LPIN1: variants seen among roughly 807,000 people sequenced by gnomAD.
LPIN1 encodes the protein phosphatidate phosphatase LPIN1.
Under a neutral mutation model 107.5 loss-of-function variants are expected in LPIN1, and 71 were observed. That is an observed-to-expected ratio of 0.66 (90% CI 0.55 to 0.80). The LOEUF (loss-of-function observed/expected upper bound fraction) is 0.80. LPIN1 is among the 30% of genes least tolerant of loss of function. LPIN1 has a pLI of 0.00. For synonymous variants in LPIN1, 445 were observed against 452.6 expected (o/e 0.98, Z 0.21); for missense variants, 1,043 against 1,160.6 (o/e 0.90, Z 1.47).
chr2:11,779,633 G>A lies in LPIN1; in HGVS notation c.945G>A (p.Pro315=), dbSNP rs754677964. ...PEMLWLWGEL[P]QAAKSSSPHK... ...TGCTTTGGCTGTGGGGAGAGCTGCCGCAGGCTGCTAAGGTGAGAGTCTCTT... is the reference window on the plus strand; with the variant it reads ...TGCTTTGGCTGTGGGGAGAGCTGCCACAGGCTGCTAAGGTGAGAGTCTCTT... The change falls in exon 7 of 21, where the codon CCG becomes CCA. Residue 315 remains proline (P), a synonymous_variant. Coordinates refer to ENST00000674199, the MANE Select transcript of LPIN1 (RefSeq NM_001349206.2). 9 of 1,613,944 alleles carry A rather than the reference G, an allele frequency of 5.6e-6. No homozygotes were observed. The highest frequency in any genetic ancestry group is 2.2e-5 in the East Asian group (1 of 44,874).
intron 2 of LPIN1, among the ~76,000 whole-genome samples, chr2:11,714,890 G>A (rs1301641010): frequency 3.9e-5 from 6 of 152,344 alleles, no homozygotes; most frequent in South Asian, 2.1e-4. Context: ...CAGCGCGGCC[G>A]CAGGCAGAGT....
chr2:11,724,693 C>T (rs868430605), intron 1 of LPIN1: 45 of 962,296 alleles, frequency 4.7e-5, no homozygotes, highest in Middle Eastern at 5.3e-4. Flanking sequence ...CAGAGCTTCC[C>T]GGTGACACAG....
chr2:11,700,481 C>G (rs1160080414), intron 1 of LPIN1, among the ~76,000 whole-genome samples: 2 of 152,130 alleles, frequency 1.3e-5, no homozygotes, highest in Non-Finnish European at 2.9e-5. Context: ...CTCTCTCTCT[C>G]TCTCTCGCTC....
At chr2:11,745,640 G>A (rs1666822817), upstream of LPIN1, among the ~76,000 whole-genome samples, 1 of 152,248 alleles carries the variant, frequency 6.6e-6, no homozygotes, top group South Asian at 2.1e-4. Context: ...AGGCCAGAAG[G>A]TGAAGGCTGC....
At chr2:11,804,597 T>C (rs745334699) in intron 16 of LPIN1, 26 bp downstream of exon 16, 61 of 1,610,134 alleles carry the variant, frequency 3.8e-5, no homozygotes, top group Non-Finnish European at 4.3e-5. Context: ...TTGGGGCCCA[T>C]GGTAGATTTC....
chr2:11,760,561 A>G (rs952764866), intron 1 of LPIN1, among the ~76,000 whole-genome samples: 2 of 152,230 alleles, frequency 1.3e-5, no homozygotes, highest in African/African-American at 4.8e-5. Flanking sequence ...CACGCCTGCA[A>G]TCGCAGGCAC....
At chr2:11,711,364 G>T (rs755460507) in intron 1 of LPIN1, among the ~76,000 whole-genome samples, 11 of 152,164 alleles carry the variant, frequency 7.2e-5, no homozygotes, top group Non-Finnish European at 1.0e-4. Flanking sequence ...GCCATATTAA[G>T]CAACGTATAG....
At chr2:11,724,086 G>A (rs1463262412), upstream of LPIN1, 1 of 152,252 alleles carries the variant, frequency 6.6e-6, no homozygotes, top group African/African-American at 2.4e-5. Flanking sequence ...AGAAATCAGT[G>A]GAGAAATTTG....
At position 11,765,261 on chromosome 2, in the gene LPIN1, C is replaced by G. The variant is rs1670635958; in HGVS notation, c.-9-272C>G. On this transcript the variant is annotated intron_variant, in intron 1 of 20. Transcript: ENST00000674199. This position sits in a 1 kb window ranked among gnomAD's most constrained non-coding sequence, Gnocchi z 4.4. ...TGGGCCCTGATGGACCCTGATGGACCCTGATGGGCCGTGATGGACCCTGAT... is the reference window on the plus strand; with the variant it reads ...TGGGCCCTGATGGACCCTGATGGACGCTGATGGGCCGTGATGGACCCTGAT... 6.6e-6 allele frequency among the ~76,000 whole-genome samples: 1 copy of G among 150,930 alleles called. No individual in the cohort carries two copies. Among genetic ancestry groups the G allele is most frequent in the Non-Finnish European group, 1.5e-5 (1 of 67,772 alleles).
At chr2:11,824,008 A>G (rs181655969) in intron 20 of LPIN1, among the ~76,000 whole-genome samples, 8 of 152,302 alleles carry the variant, frequency 5.3e-5, no homozygotes, top group Non-Finnish European at 1.0e-4. Flanking sequence ...ATTTAGATAC[A>G]TTTGAGCACC....
rs1674331707 is a variant in LPIN1 at position 11,785,163 on chromosome 2, G to A, written c.1549+87G>A. On this transcript the variant is annotated intron_variant, in intron 10 of 20. Coordinates refer to ENST00000674199, the MANE Select transcript of LPIN1 (RefSeq NM_001349206.2). ...GGCTTCTCCAAGGAGTGCGTGTCAA[G>A]GCAGCTTTTCCCTTGGTTGCGGTTA... The A allele has an allele frequency of 3.8e-6, 4 of 1,045,884 alleles. No homozygotes were observed. The South Asian group carries it at 6.8e-5, about 18-fold the overall frequency. The allele number at this position is 1,045,884 out of a possible 1,614,324, so 64.8% of individuals were successfully genotyped here.
rs1662650992 is a variant in LPIN1 at position 11,697,512 on chromosome 2, T to C, written c.82-16244T>C. The stretch of plus-strand genomic sequence containing the variant: ...TCTGCCCGAATCTGTGCGTCGTGTC[T>C]TGGGAATTCATCCCTTCCTCCCTAG... On this transcript the variant is annotated intron_variant, in intron 1 of 21. Transcript: ENST00000449576. The surrounding 1 kb of genome is among the most constrained non-coding windows in gnomAD (Gnocchi z 4.6). 6.6e-6 allele frequency among the ~76,000 whole-genome samples: 1 copy of C among 152,106 alleles called. No individual in the cohort carries two copies. Among genetic ancestry groups the C allele is most frequent in the African/African-American group, 2.4e-5 (1 of 41,406 alleles).
chr2:11,797,703 A>G (rs1029671788), intron 14 of LPIN1, among the ~76,000 whole-genome samples: 4 of 152,222 alleles, frequency 2.6e-5, no homozygotes, highest in African/African-American at 9.6e-5. Flanking sequence ...TCTAGGAAGC[A>G]ACTCACTTGC....
intron 10 of LPIN1, 134 bp downstream of exon 10, chr2:11,785,210 C>A (rs1409268285): frequency 7.5e-6 from 5 of 662,268 alleles, no homozygotes; most frequent in East Asian, 2.8e-5. Flanking sequence ...GATGATAGCA[C>A]CGAACTCATA....
chr2:11,713,771 G>T, exon 2 of LPIN1: 1 of 1,517,012 alleles, frequency 6.6e-7, no homozygotes. Context: ...AATAATGAGA[G>T]ACCCTGGGTG....
At chr2:11,760,439 G>T (rs1387246565) in intron 1 of LPIN1, among the ~76,000 whole-genome samples, 1 of 152,270 alleles carries the variant, frequency 6.6e-6, no homozygotes, top group Non-Finnish European at 1.5e-5. Flanking sequence ...CGGCACCTCA[G>T]GAGGCCGAGG....
intron 1 of LPIN1, among the ~76,000 whole-genome samples, chr2:11,685,743 G>A (rs865777064): frequency 2.0e-4 from 30 of 152,276 alleles, no homozygotes; most frequent in African/African-American, 6.7e-4. Flanking sequence ...ATTTCCCATC[G>A]AGGAATGTGT....
At chr2:11,789,332 C>T (rs967300576) in intron 12 of LPIN1, among the ~76,000 whole-genome samples, 4 of 150,914 alleles carry the variant, frequency 2.7e-5, no homozygotes, top group Admixed American at 6.6e-5. Flanking sequence ...TGTGTGCATA[C>T]GTGCATGTGT....
At chr2:11,802,579 CAG>C (rs1677946286) in intron 14 of LPIN1, among the ~76,000 whole-genome samples, 1 of 152,130 alleles carries the variant, frequency 6.6e-6, no homozygotes, top group Non-Finnish European at 1.5e-5. Context: ...AGAAGAGAGA[CAG>C]AGAAGACAGC....
Sources: allele counts gnomAD v4.1 joint callset (sites outside exome capture counted in the v4.1 genomes callset), GRCh38; gene constraint gnomAD v4.1.1; non-coding constraint Gnocchi (gnomAD v3.1); transcripts MANE v1.5; gene names NCBI Gene and HGNC (gene_info 2026-07-23, HGNC 2026-07-21).